Variants in MDM1 observed in about 807,000 individuals in gnomAD.
MDM1 encodes Mdm1 nuclear protein.
MDM1 carries 61 observed loss-of-function variants against 89.1 expected under a neutral mutation model. That is an observed-to-expected ratio of 0.68 (90% CI 0.56 to 0.85). The LOEUF is 0.85. MDM1 is among the 40% of genes least tolerant of loss of function. MDM1 has a pLI of 0.00. For missense variants in MDM1, 820 were observed against 846.5 expected, an observed-to-expected ratio of 0.97 and a Z score of 0.39; for synonymous variants, 290 against 294.1, an observed-to-expected ratio of 0.99 and a Z score of 0.14.
rs372131838 is a variant in MDM1 at position 68,313,627 on chromosome 12, C to T, written c.1639+17G>A. 203 of 1,608,378 alleles carry T rather than the reference C, an allele frequency of 1.3e-4. No individual in the cohort carries two copies. In the African/African-American group the frequency reaches 1.9e-3, roughly 15 times the overall value. ...AAAAGCAGGTTAAATAAGAACTGCA[C>T]GGTGTTTGCCGATTACCAACAGCTG... On this transcript the variant is annotated intron_variant, in intron 11 of 14. Transcript: ENST00000682720.
intron 12 of MDM1, among the ~76,000 whole-genome samples, chr12:68,306,917 T>C (rs572098376): frequency 6.6e-6 from 1 of 152,278 alleles, no homozygotes; most frequent in South Asian, 2.1e-4. Flanking sequence ...ACTATTCACA[T>C]TAGCAAACTC....
chr12:68,323,267 G>GT, intron 4 of MDM1, 27 bp from the exon 5 acceptor site: 1 of 1,498,972 alleles, frequency 6.7e-7, no homozygotes, highest in Non-Finnish European at 8.9e-7. Context: ...TTTTAGTTTA[G>GT]TTTTGTTGAT....
intron 4 of MDM1, among the ~76,000 whole-genome samples, chr12:68,323,943 TTTACATA>T (rs1359067450): frequency 6.6e-6 from 1 of 152,154 alleles, no homozygotes; most frequent in African/African-American, 2.4e-5. Flanking sequence ...TTCTGACTCC[TTTACATA>T]TTAATATAAG....
At chr12:68,303,258 T>C (rs1404618972) in intron 12 of MDM1, among the ~76,000 whole-genome samples, 1 of 152,218 alleles carries the variant, frequency 6.6e-6, no homozygotes, top group Non-Finnish European at 1.5e-5. Context: ...AAACGTATTC[T>C]TCCTTACTAA....
At position 68,315,078 on chromosome 12, in the gene MDM1, G is replaced by A. The variant is rs374046658; in HGVS notation, c.1399C>T (p.Pro467Ser). ...TCGTCCTCCTCCTCTTTCTCCCCGG[G>A]CTGTTTCTGTACGTCTTCACTTGTG... Reference protein sequence around the residue: ...ENTSEDVQKQPGEKEEEDDNE... With the variant: ...ENTSEDVQKQSGEKEEEDDNE... The change falls in exon 10 of 15, where the codon CCC becomes TCC. Residue 467 changes from proline (P) to serine (S), a missense_variant. Physicochemically the swap from Pro to Ser is moderately conservative, Grantham distance 74 (BLOSUM62 -1). Transcript: ENST00000682720. 6.2e-7 allele frequency: 1 copy of A among 1,613,792 alleles called. No individual in the cohort carries two copies. Among genetic ancestry groups the A allele is most frequent in the Non-Finnish European group, 8.5e-7 (1 of 1,180,012 alleles).
rs147878090 is a variant in MDM1, at chr12:68,319,070, G to A, written c.1005+2277C>T. Among the ~76,000 whole-genome samples the A allele has an allele frequency of 5.3e-5, 8 of 152,198 alleles. No homozygotes were observed. The South Asian group carries it at 1.2e-3, about 24-fold the overall frequency. On this transcript the variant is annotated intron_variant, in intron 7 of 14. Coordinates refer to ENST00000682720, the MANE Select transcript of MDM1 (RefSeq NM_001354969.2). ...TGGAATAAAATCACCTCAACCAATCGATGATGAAAAGATTACCTAACAATT... is the reference window on the plus strand; with the variant it reads ...TGGAATAAAATCACCTCAACCAATCAATGATGAAAAGATTACCTAACAATT...
intron 10 of MDM1, among the ~76,000 whole-genome samples, chr12:68,314,278 C>T (rs1874160249): frequency 6.6e-6 from 1 of 151,454 alleles, no homozygotes; most frequent in Non-Finnish European, 1.5e-5. Context: ...AAACAGAACA[C>T]TGAAAAAATA....
rs751763363 is a variant in MDM1, at chr12:68,327,316, A to C, written c.134-295T>G. 228 of 1,463,052 alleles carry C rather than the reference A, an allele frequency of 1.6e-4. 1 individual carries two copies. In the Middle Eastern group the frequency reaches 2.3e-3, roughly 15 times the overall value. The allele number at this position is 1,463,052 out of a possible 1,614,324, so 90.6% of individuals were successfully genotyped here. On this transcript the variant is annotated intron_variant, in intron 2 of 14. Transcript: ENST00000682720. ...CAAAAGTCACTAGAATTGCAACGTG[A>C]TAGACCTGGCAGGCCAGGCAGTACA... is the stretch of plus-strand genomic sequence containing the variant.
intron 7 of MDM1, among the ~76,000 whole-genome samples, chr12:68,318,635 A>T (rs139790281): frequency 6.6e-6 from 1 of 152,300 alleles, no homozygotes; most frequent in African/African-American, 2.4e-5. Flanking sequence ...TAAAAAGAGG[A>T]GGAAAAAAAT....
Position 68,313,713 on chromosome 12 carries a change from G to A in MDM1, c.1570C>T (p.Pro524Ser). The A allele has an allele frequency of 6.2e-7, 1 of 1,614,174 alleles. No homozygotes were observed. Residue 524 changes from proline to serine, a missense_variant, in exon 11 of 15, where the codon CCT (proline) becomes TCT (serine). Physicochemically the swap from Pro to Ser is moderately conservative, Grantham distance 74. Coordinates refer to ENST00000682720, the MANE Select transcript of MDM1 (RefSeq NM_001354969.2). ...SVSSEKGGRL[P>S]TPKLRELGGI... ...CCAAGTTCTCTCAGCTTGGGAGTAG[G>A]AAGCCGGCCTCCTTTTTCTGAGGAT...
chr12:68,323,160 G>C lies in MDM1; in HGVS notation c.714C>G (p.Phe238Leu). Residue 238 changes from phenylalanine (F) to leucine (L), a missense_variant, in exon 5 of 15, where the codon TTC (phenylalanine) becomes TTG (leucine). Phe to Leu is a conservative substitution (Grantham distance 22, BLOSUM62 0). Coordinates refer to ENST00000682720, the MANE Select transcript of MDM1 (RefSeq NM_001354969.2). ...GTTCTTTCACTGGAGATAAACCCTT[G>C]AAATTTCTTTTGTATTCAGTTTCAT... ...VIHETEYKRN[F>L]KGLSPVKEPK... 1.2e-6 allele frequency: 2 copies of C among 1,610,140 alleles called. No homozygotes were observed. Among genetic ancestry groups the C allele is most frequent in the Non-Finnish European group, 1.7e-6 (2 of 1,178,564 alleles).
intron 12 of MDM1, among the ~76,000 whole-genome samples, chr12:68,304,258 A>T (rs927439897): frequency 1.3e-5 from 2 of 152,202 alleles, no homozygotes; most frequent in African/African-American, 2.4e-5. Flanking sequence ...ATTTAAAAAA[A>T]AAATTAAATT....
intron 5 of MDM1, 43 bp downstream of exon 5, chr12:68,323,030 A>C (rs1875441481): frequency 6.4e-7 from 1 of 1,560,432 alleles, no homozygotes. Flanking sequence ...AGAATCTAAA[A>C]TAACGGGGAT....
chr12:68,316,029 T>C (rs1407851183), intron 9 of MDM1, 49 bp downstream of exon 9: 2 of 1,496,206 alleles, frequency 1.3e-6, no homozygotes, highest in African/African-American at 2.8e-5. Flanking sequence ...TTCTATGATC[T>C]ACATAAGCTT....
chr12:68,316,186 T>A lies in MDM1; in HGVS notation c.1103A>T (p.Asp368Val). The change falls in exon 9 of 15, where the codon GAC (aspartate) becomes GTC (valine). Residue 368 changes from aspartate to valine, a missense_variant. Asp to Val is a radical substitution (Grantham distance 152). Coordinates refer to ENST00000682720, the MANE Select transcript of MDM1 (RefSeq NM_001354969.2). ...ATCAGATAAAATCTGATTCAGATGG[T>A]CCCGAGAAAAATGCGTCCCCTGAAC... ...KRVQGTHFSR[D>V]HLNQILSDSN... 1 of 1,614,118 alleles carries A rather than the reference T, an allele frequency of 6.2e-7. No homozygotes were observed. The highest frequency in any genetic ancestry group is 8.5e-7 in the Non-Finnish European group (1 of 1,179,984).
intron 1 of MDM1, among the ~76,000 whole-genome samples, chr12:68,331,743 A>C (rs1392554717): frequency 6.6e-6 from 1 of 152,202 alleles, no homozygotes; most frequent in African/African-American, 2.4e-5. Context: ...GCTACCAGCT[A>C]CCTGGAACTT....
At position 68,326,454 on chromosome 12, in the gene MDM1, C is replaced by A; in HGVS notation, c.498+203G>T. The A allele has an allele frequency of 4.8e-6, 7 of 1,473,464 alleles. No homozygotes were observed. In the South Asian group the frequency reaches 1.0e-4, roughly 21 times the overall value. The allele number at this position is 1,473,464 out of a possible 1,614,324, so 91.3% of individuals were successfully genotyped here. ...CAATAAACAGATTATCATAGTACAACTACTACAAAATAGCGAGTAGTCAGA... is the reference window on the plus strand; with the variant it reads ...CAATAAACAGATTATCATAGTACAAATACTACAAAATAGCGAGTAGTCAGA... On this transcript the variant is annotated intron_variant, in intron 3 of 14. Coordinates refer to ENST00000682720, the MANE Select transcript of MDM1 (RefSeq NM_001354969.2).
intron 1 of MDM1, chr12:68,331,859 G>A: frequency 2.0e-6 from 1 of 496,166 alleles, no homozygotes; most frequent in South Asian, 1.8e-5. Context: ...ATACACTAAA[G>A]TTTTAAAGGT....
chr12:68,327,300 C>T, intron 2 of MDM1: 2 of 1,420,102 alleles, frequency 1.4e-6, no homozygotes, highest in Non-Finnish European at 1.8e-6. Context: ...ACAAAAGTCA[C>T]TAGAATTGCA....
Sources: allele counts gnomAD v4.1 joint callset (sites outside exome capture counted in the v4.1 genomes callset), GRCh38; gene constraint gnomAD v4.1.1; transcripts MANE v1.5; gene names NCBI Gene and HGNC (gene_info 2026-07-23, HGNC 2026-07-21).